Variants in HEATR4 observed in about 807,000 individuals in gnomAD.
The protein encoded by HEATR4 is HEAT repeat-containing protein 4.
A neutral mutation model predicts 108.8 loss-of-function variants in HEATR4; 95 were observed. The ratio of observed to expected loss-of-function variants is 0.87; its 90% CI spans 0.74 to 1.04. The LOEUF is 1.04. HEATR4 is among the 50% of genes least tolerant of loss of function. The pLI is 0.00. For missense variants in HEATR4, 1,152 were observed against 1,253.8 expected (o/e 0.92, Z 1.23); for synonymous variants, 443 against 459.4 (o/e 0.96, Z 0.46).
chr14:73,483,829 T>C (rs1452369547), intron 17 of HEATR4, among the ~76,000 whole-genome samples: 1 of 152,162 alleles, frequency 6.6e-6, no homozygotes, highest in Admixed American at 6.6e-5. Flanking sequence ...ACTCTGCTTC[T>C]ATTTAAAATG....
At chr14:73,591,528 G>A in the HEATR4 span, among the ~76,000 whole-genome samples, 1 of 151,522 alleles carries the variant, frequency 6.6e-6, no homozygotes, top group East Asian at 1.9e-4. Flanking sequence ...GGGCGACAGA[G>A]GAGACTCTGT....
chr14:73,520,783 C>T (rs1430165506), intron 4 of HEATR4, 69 bp downstream of exon 4: 1 of 1,423,570 alleles, frequency 7.0e-7, no homozygotes, highest in Non-Finnish European at 9.7e-7. Flanking sequence ...GTTTCCAGCC[C>T]CCAGCAATCT....
At chr14:73,596,616 T>C in the HEATR4 span, 5 of 152,172 alleles carry the variant, frequency 3.3e-5, no homozygotes, top group African/African-American at 1.2e-4. Context: ...ATTATTATTT[T>C]TTGAGACAGA....
intron 1 of HEATR4, among the ~76,000 whole-genome samples, chr14:73,558,366 A>ATTTGTTTTTTG (rs1480105169): frequency 1.1e-5 from 1 of 94,472 alleles, no homozygotes; most frequent in Non-Finnish European, 2.4e-5. Flanking sequence ...TAATGCCTTG[A>ATTTGTTTTTTG]TTTGTTTTTT....
chr14:73,486,504 C>T lies in HEATR4; in HGVS notation c.2844+6562G>A, dbSNP rs144431066. ...CCTGAGTCCAGGAGTTCAAGACCAGCTTGACCAACATGGCGAAACCCCGTC... is the reference window on the plus strand; with the variant it reads ...CCTGAGTCCAGGAGTTCAAGACCAGTTTGACCAACATGGCGAAACCCCGTC... On this transcript the variant is annotated intron_variant, in intron 17 of 17. Transcript: ENST00000553558. Among the ~76,000 whole-genome samples, 193 of 152,120 alleles carry T rather than the reference C, an allele frequency of 1.3e-3. 1 individual carries two copies. The highest frequency in any genetic ancestry group is 4.3e-3 in the African/African-American group (179 of 41,506).
chr14:73,606,606 C>T, the HEATR4 span, among the ~76,000 whole-genome samples: 3,064 of 152,214 alleles, frequency 0.02, 105 homozygotes, highest in African/African-American at 0.07. Context: ...TGGGTGGTTA[C>T]AAAACTGCCA....
chr14:73,492,393 T>C lies in HEATR4; in HGVS notation c.2844+673A>G. 2.5e-6 allele frequency: 4 copies of C among 1,613,742 alleles called. No homozygotes were observed. The highest frequency in any genetic ancestry group is 3.4e-6 in the Non-Finnish European group (4 of 1,179,738). On this transcript the variant is annotated intron_variant, in intron 17 of 17. Coordinates refer to ENST00000553558, the MANE Select transcript of HEATR4 (RefSeq NM_001220484.1). This position sits in a 1 kb window ranked among gnomAD's most constrained non-coding sequence, Gnocchi z 4.9. ...CGGAGGGGTCTGCCCCGAGACTTCA[T>C]GGATTACATGGGGGCCCAGCATTCA...
At chr14:73,517,446 G>A (rs1293102245) in intron 5 of HEATR4, 1 of 152,338 alleles carries the variant, frequency 6.6e-6, no homozygotes, top group Non-Finnish European at 1.5e-5. Context: ...GGAGTCTGAA[G>A]AGGGTGCATC....
chr14:73,535,490 T>C lies in HEATR4; in HGVS notation c.-151-5246A>G, dbSNP rs1194343991. On this transcript the variant is annotated intron_variant, in intron 1 of 17. Coordinates refer to ENST00000553558, the MANE Select transcript of HEATR4 (RefSeq NM_001220484.1). ...CTTTCTTTTTTTTTTTTTTTTTTTT[T>C]TTTTTTTTTTTTTTTTTGCCCAGGC... Among the ~76,000 whole-genome samples, 5 of 41,408 alleles carry C rather than the reference T, an allele frequency of 1.2e-4. 1 individual carries two copies. Among genetic ancestry groups the C allele is most frequent in the African/African-American group, 4.1e-4 (4 of 9,726 alleles). 27.2% of individuals were successfully genotyped at this position (41,408 alleles called of 152,430 possible). A position where few individuals can be genotyped will look rare whatever the true frequency, so the allele number is the denominator to read the frequency against.
chr14:73,558,308 T>C (rs1484263656), intron 1 of HEATR4, among the ~76,000 whole-genome samples: 1 of 141,912 alleles, frequency 7.0e-6, no homozygotes, highest in African/African-American at 2.6e-5. Context: ...GCTATACAGC[T>C]ATCTCCAGAG....
chr14:73,619,159 G>A, the HEATR4 span: 1 of 1,484,146 alleles, frequency 6.7e-7, no homozygotes, highest in Non-Finnish European at 8.9e-7. Flanking sequence ...AAGCTACTTG[G>A]AGAATGTAAA....
the HEATR4 span, among the ~76,000 whole-genome samples, chr14:73,572,768 C>G: frequency 6.7e-6 from 1 of 149,420 alleles, no homozygotes; most frequent in Non-Finnish European, 1.5e-5. Context: ...CCCTCAGCCT[C>G]CCGAGTAGCT....
At chr14:73,485,018 G>T (rs1885397414) in intron 17 of HEATR4, among the ~76,000 whole-genome samples, 1 of 151,990 alleles carries the variant, frequency 6.6e-6, no homozygotes, top group Non-Finnish European at 1.5e-5. Flanking sequence ...AGAAAAATTG[G>T]CTGGGCATGG....
In HEATR4 at chr14:73,498,353, A is replaced by G; in HGVS notation, c.2357-9T>C. On this transcript the variant is annotated splice_polypyrimidine_tract_variant and intron_variant, in intron 13 of 17. Transcript: ENST00000553558. ...CCCAATCTGTCCCAAAGCTGCAGAG[A>G]TTAGAGGGCAGCATGTCACTGAAGA... 6.3e-7 allele frequency: 1 copy of G among 1,578,072 alleles called. No individual in the cohort carries two copies. The highest frequency in any genetic ancestry group is 1.1e-5 in the South Asian group (1 of 88,526).
the HEATR4 span, among the ~76,000 whole-genome samples, chr14:73,597,781 A>G: frequency 6.6e-6 from 1 of 150,748 alleles, no homozygotes; most frequent in Non-Finnish European, 1.5e-5. Flanking sequence ...TTTAGTAGAG[A>G]CAGGGTTTTA....
chr14:73,489,466 T>A (rs2140245814), intron 17 of HEATR4, among the ~76,000 whole-genome samples: 1 of 152,318 alleles, frequency 6.6e-6, no homozygotes, highest in African/African-American at 2.4e-5. Context: ...AATATGCTTA[T>A]CATTGCTTGA....
At chr14:73,489,711 A>G (rs1885598063) in intron 17 of HEATR4, among the ~76,000 whole-genome samples, 2 of 152,236 alleles carry the variant, frequency 1.3e-5, no homozygotes, top group East Asian at 1.9e-4. Context: ...CCGATTTAAG[A>G]TCCTGAGTTT....
chr14:73,506,074 A>C (rs59442247), intron 10 of HEATR4, among the ~76,000 whole-genome samples: 34,741 of 151,460 alleles, frequency 0.23, 4,449 homozygotes, highest in African/African-American at 0.31. Flanking sequence ...TATTTTTAGT[A>C]GAGATGGAGT....
chr14:73,569,365 C>T, the HEATR4 span: 8 of 1,613,982 alleles, frequency 5.0e-6, no homozygotes, highest in East Asian at 8.9e-5. Context: ...AAGAGTTCGG[C>T]GCAGTTCCTG....
Sources: allele counts gnomAD v4.1 joint callset (sites outside exome capture counted in the v4.1 genomes callset), GRCh38; gene constraint gnomAD v4.1.1; non-coding constraint Gnocchi (gnomAD v3.1); transcripts MANE v1.5; gene names NCBI Gene and HGNC (gene_info 2026-07-23, HGNC 2026-07-21).